PDE7B: variants seen among roughly 807,000 people sequenced by gnomAD.
PDE7B encodes the protein phosphodiesterase 7B, also known as 3',5'-cyclic-AMP phosphodiesterase 7B.
Under a neutral mutation model 56.2 loss-of-function variants are expected in PDE7B, and 29 were observed. That is an observed-to-expected ratio of 0.52 (90% CI 0.38 to 0.70). PDE7B has a LOEUF of 0.70. Among genes scored for constraint, PDE7B ranks in the 30% least tolerant of loss-of-function variants. PDE7B has a pLI of 0.00. For synonymous variants in PDE7B, 197 were observed against 196.9 expected (o/e 1.00, Z 0.00); for missense variants, 490 against 565.0 (o/e 0.87, Z 1.35).
intron 1 of PDE7B, among the ~76,000 whole-genome samples, chr6:135,890,292 T>C (rs951330099): frequency 2.0e-5 from 3 of 152,232 alleles, no homozygotes; most frequent in African/African-American, 7.2e-5. Context: ...TTCTTTACTC[T>C]CTGATTGTTT....
chr6:136,050,018 C>T (rs1053311722), intron 2 of PDE7B, among the ~76,000 whole-genome samples: 2 of 152,070 alleles, frequency 1.3e-5, no homozygotes, highest in African/African-American at 2.4e-5. Context: ...TAGTTATTGA[C>T]TGCACAAGGG....
intron 2 of PDE7B, among the ~76,000 whole-genome samples, chr6:135,990,359 G>A (rs536389037): frequency 6.6e-6 from 1 of 152,278 alleles, no homozygotes; most frequent in South Asian, 2.1e-4. Context: ...TTCCCCCAAA[G>A]TGCTGGGATT....
intron 3 of PDE7B, among the ~76,000 whole-genome samples, chr6:136,121,772 A>G (rs996704723): frequency 3.3e-5 from 5 of 152,200 alleles, no homozygotes; most frequent in Non-Finnish European, 7.3e-5. Flanking sequence ...TTTTGTAAGT[A>G]GAAGTTTTTT....
chr6:135,891,620 A>G (rs536386867), intron 1 of PDE7B, among the ~76,000 whole-genome samples: 1 of 152,334 alleles, frequency 6.6e-6, no homozygotes, highest in African/African-American at 2.4e-5. Context: ...CAGTGTTTCA[A>G]AATGTGCATT....
chr6:136,068,644 A>G (rs1006104408), intron 2 of PDE7B, among the ~76,000 whole-genome samples: 2 of 151,824 alleles, frequency 1.3e-5, no homozygotes, highest in African/African-American at 2.4e-5. Context: ...TGTTAGCCAG[A>G]ATGGTCTCAA....
intron 3 of PDE7B, among the ~76,000 whole-genome samples, chr6:136,134,970 AT>A (rs1255914018): frequency 6.6e-6 from 1 of 151,956 alleles, no homozygotes; most frequent in Non-Finnish European, 1.5e-5. Context: ...GAAAAAAAAA[AT>A]AAGCATGTTA....
chr6:135,855,785 T>C (rs1775015730), intron 1 of PDE7B, among the ~76,000 whole-genome samples: 1 of 152,168 alleles, frequency 6.6e-6, no homozygotes, highest in Admixed American at 6.5e-5. Context: ...AGGCATCTGA[T>C]ACAAGCCAAC....
intron 2 of PDE7B, among the ~76,000 whole-genome samples, chr6:135,957,819 AGG>A (rs1020989741): frequency 1.4e-4 from 22 of 152,274 alleles, no homozygotes; most frequent in African/African-American, 5.1e-4. Flanking sequence ...TTGGCCTAAA[AGG>A]GGATGCCTCT....
In PDE7B at chr6:136,091,816, A is replaced by ATT. The variant is rs148807622; in HGVS notation, c.83-16906_83-16905dup. Among the ~76,000 whole-genome samples the ATT allele has an allele frequency of 9.5e-4, 142 of 149,812 alleles. 1 individual carries two copies. The highest frequency in any genetic ancestry group is 3.5e-3 in the Middle Eastern group (1 of 288). ...GGACAGCCAAGACTGGGAATCAAATATTTTTTTTTTAATGTGTGGGAGCCA... is the reference window on the plus strand; with the variant it reads ...GGACAGCCAAGACTGGGAATCAAATATTTTTTTTTTTTAATGTGTGGGAGCCA... On this transcript the variant is annotated intron_variant, in intron 2 of 12. Transcript: ENST00000308191.
intron 3 of PDE7B, among the ~76,000 whole-genome samples, chr6:136,134,028 T>C (rs1193847969): frequency 6.6e-6 from 1 of 151,972 alleles, no homozygotes; most frequent in African/African-American, 2.4e-5. Flanking sequence ...GAATAAATAA[T>C]ATAAATTAAG....
intron 2 of PDE7B, chr6:136,038,620 G>A (rs1776366811): frequency 3.0e-6 from 3 of 984,960 alleles, no homozygotes; most frequent in South Asian, 3.2e-5. Flanking sequence ...GGAGGAAAAT[G>A]AACTGTGTAG....
At chr6:136,056,549 T>G (rs1029548754) in intron 2 of PDE7B, among the ~76,000 whole-genome samples, 1 of 121,882 alleles carries the variant, frequency 8.2e-6, no homozygotes, top group African/African-American at 3.2e-5. Context: ...TTTTTTTTTT[T>G]GACAAGAGTT....
chr6:136,081,967 C>T (rs1469480258), intron 2 of PDE7B, among the ~76,000 whole-genome samples: 1 of 152,126 alleles, frequency 6.6e-6, no homozygotes, highest in African/African-American at 2.4e-5. Context: ...GAGCCCTGTC[C>T]CCAAAGTTCA....
At chr6:135,876,254 G>A (rs1775490116) in intron 1 of PDE7B, among the ~76,000 whole-genome samples, 1 of 152,152 alleles carries the variant, frequency 6.6e-6, no homozygotes, top group African/African-American at 2.4e-5. Context: ...GGAGCAGTCT[G>A]GGGAGAGAGT....
chr6:136,017,504 C>T (rs1189339900), intron 2 of PDE7B, among the ~76,000 whole-genome samples: 3 of 130,836 alleles, frequency 2.3e-5, no homozygotes, highest in Non-Finnish European at 5.0e-5. Flanking sequence ...CCCCACCCCA[C>T]GACAGGCCCC....
At chr6:135,860,253 T>A (rs1775119793) in intron 1 of PDE7B, among the ~76,000 whole-genome samples, 1 of 152,040 alleles carries the variant, frequency 6.6e-6, no homozygotes, top group Non-Finnish European at 1.5e-5. Context: ...TTCAGCTTTT[T>A]GCTGACAGTT....
At chr6:135,880,676 C>G (rs1425012928) in intron 1 of PDE7B, among the ~76,000 whole-genome samples, 1 of 152,222 alleles carries the variant, frequency 6.6e-6, no homozygotes, top group Non-Finnish European at 1.5e-5. Flanking sequence ...TGATCTTCCA[C>G]TGGGCCCTGA....
intron 1 of PDE7B, among the ~76,000 whole-genome samples, chr6:135,915,691 A>G (rs150303004): frequency 0.016 from 2,506 of 152,248 alleles, 27 homozygotes; most frequent in Non-Finnish European, 0.023. Context: ...AAATCGCTCT[A>G]TGCTCTGTCC....
At chr6:136,045,742 A>C (rs1776491520) in intron 2 of PDE7B, among the ~76,000 whole-genome samples, 2 of 152,114 alleles carry the variant, frequency 1.3e-5, no homozygotes, top group Non-Finnish European at 2.9e-5. Flanking sequence ...TCGCAGTTGC[A>C]TGAATGTGGT....
Sources: gnomAD v4.1 joint callset for allele counts (sites outside exome capture counted in the v4.1 genomes callset) on GRCh38, gnomAD v4.1.1 for gene constraint, MANE v1.5 for transcripts, NCBI Gene and HGNC (gene_info 2026-07-23, HGNC 2026-07-21) for gene names.